The following CHD9 variants were observed in gnomAD, a reference collection of about 807,000 sequenced individuals.
CHD9 encodes the protein chromodomain helicase DNA binding protein 9.
Under a neutral mutation model 316.1 loss-of-function variants are expected in CHD9, and 77 were observed. The ratio of observed to expected loss-of-function variants is 0.24; its 90% CI spans 0.20 to 0.29. The LOEUF is 0.29. CHD9 is among the 10% of genes least tolerant of loss of function. CHD9 has a pLI of 1.00. For synonymous variants in CHD9, 1,129 were observed against 1,158.3 expected (o/e 0.97, Z 0.51); for missense variants, 2,763 against 3,438.1 (o/e 0.80, Z 4.91).
At chr16:53,241,967 C>T (rs1016087529) in intron 12 of CHD9, among the ~76,000 whole-genome samples, 1 of 152,188 alleles carries the variant, frequency 6.6e-6, no homozygotes, top group Non-Finnish European at 1.5e-5. Flanking sequence ...TGCATCCCCT[C>T]CCCAACTCAC....
intron 1 of CHD9, among the ~76,000 whole-genome samples, chr16:53,122,960 A>G (rs201778230): frequency 6.8e-6 from 1 of 147,824 alleles, no homozygotes; most frequent in Non-Finnish European, 1.5e-5. Flanking sequence ...CTCGTGATCC[A>G]CCCACCTCGG....
At position 53,250,078 on chromosome 16, in the gene CHD9, C is replaced by T. The variant is rs1317699887; in HGVS notation, c.3861+12C>T. 1 of 1,566,816 alleles carries T rather than the reference C, an allele frequency of 6.4e-7. No homozygotes were observed. The highest frequency in any genetic ancestry group is 8.6e-7 in the Non-Finnish European group (1 of 1,156,726). ...AGAATGATCTTCAGGTAAATAATTT[C>T]CTTGGCTAACAAAAAATGCATTTTT... On this transcript the variant is annotated intron_variant, in intron 17 of 38. Coordinates refer to ENST00000447540, the MANE Select transcript of CHD9 (RefSeq NM_001308319.2).
At chr16:53,124,911 G>A (rs2038905139) in intron 1 of CHD9, among the ~76,000 whole-genome samples, 1 of 152,204 alleles carries the variant, frequency 6.6e-6, no homozygotes, top group Admixed American at 6.5e-5. Flanking sequence ...TGGGGACACA[G>A]TCAAACCATA....
At chr16:53,190,200 G>T (rs1005533782) in intron 2 of CHD9, among the ~76,000 whole-genome samples, 1 of 152,122 alleles carries the variant, frequency 6.6e-6, no homozygotes, top group Non-Finnish European at 1.5e-5. Flanking sequence ...TTTCTTTCCA[G>T]ATGGTAGAGG....
chr16:53,246,276 G>T (rs1169790450), intron 15 of CHD9, among the ~76,000 whole-genome samples: 1 of 152,094 alleles, frequency 6.6e-6, no homozygotes, highest in Non-Finnish European at 1.5e-5. Context: ...TACAATGTTT[G>T]GGTTTTTCAC....
intron 16 of CHD9, 29 bp from the exon 17 acceptor site, chr16:53,249,842 A>G (rs1466058174): frequency 1.3e-6 from 2 of 1,518,152 alleles, no homozygotes; most frequent in Admixed American, 1.7e-5. Context: ...ATACTTATTT[A>G]TGTAAATTTA....
At chr16:53,271,916 A>G (rs1422008440) in intron 22 of CHD9, among the ~76,000 whole-genome samples, 1 of 152,166 alleles carries the variant, frequency 6.6e-6, no homozygotes, top group Non-Finnish European at 1.5e-5. Flanking sequence ...TCGAACCAAC[A>G]AGGGTGGAGA....
intron 2 of CHD9, among the ~76,000 whole-genome samples, chr16:53,183,053 T>TA (rs937569341): frequency 6.6e-6 from 1 of 152,228 alleles, no homozygotes; most frequent in Admixed American, 6.5e-5. Context: ...TAAAAGCTGT[T>TA]AAAGTCAAAA....
Position 53,321,552 on chromosome 16 carries a change from G to C in CHD9, c.7740G>C (p.Leu2580Phe). 6.5e-7 allele frequency: 1 copy of C among 1,549,808 alleles called. No individual in the cohort carries two copies. Residue 2580 changes from leucine (L) to phenylalanine (F), a missense_variant, in exon 38 of 39, where the codon TTG becomes TTC. Physicochemically the swap from Leu to Phe is conservative, Grantham distance 22 (BLOSUM62 0). Transcript: ENST00000447540. ...TTGGAGGTGCATTTGCTCCCCCTTT[G>C]AAAGATTTATGTAGATTCCTAAAAG... ...RKVGGAFAPP[L>F]KDLCRFLKEN...
intron 22 of CHD9, among the ~76,000 whole-genome samples, chr16:53,268,751 T>G (rs1300394387): frequency 1.3e-5 from 2 of 152,190 alleles, no homozygotes; most frequent in African/African-American, 4.8e-5. Flanking sequence ...AGTGTACATA[T>G]TAAAGTTTGA....
At chr16:53,076,055 A>G (rs539367453) in intron 1 of CHD9, among the ~76,000 whole-genome samples, 4 of 152,208 alleles carry the variant, frequency 2.6e-5, no homozygotes, top group East Asian at 3.9e-4. Context: ...CCGTTTATAT[A>G]TCTTCTTTGG....
chr16:53,217,960 T>TTTC lies in CHD9; in HGVS notation c.1785-4682_1785-4681insCTT, dbSNP rs2046919903. Among the ~76,000 whole-genome samples the TTTC allele has an allele frequency of 1.3e-4, 18 of 133,966 alleles. 1 individual carries two copies. In the South Asian group the frequency reaches 2.8e-3, roughly 21 times the overall value. The allele number at this position is 133,966 out of a possible 152,430, so 87.9% of individuals were successfully genotyped here. ...TCTTTCTTTCTTTCTTTCTTTCTTT[T>TTTC]TTTTTTTAATTCAGAATTACTGGGG... is the stretch of plus-strand genomic sequence containing the variant. On this transcript the variant is annotated intron_variant, in intron 3 of 38. Transcript: ENST00000447540.
At chr16:53,062,391 C>T (rs371891600) in intron 1 of CHD9, among the ~76,000 whole-genome samples, 14 of 152,098 alleles carry the variant, frequency 9.2e-5, no homozygotes, top group Admixed American at 5.9e-4. Context: ...GTATATAAAT[C>T]GTGTGTCCAT....
intron 19 of CHD9, among the ~76,000 whole-genome samples, chr16:53,256,086 A>T (rs972690307): frequency 2.0e-5 from 3 of 152,218 alleles, no homozygotes; most frequent in African/African-American, 7.2e-5. Flanking sequence ...AAATGTAAGT[A>T]ATGTAAGAGG....
chr16:53,193,562 GTTTA>G (rs972594176), intron 2 of CHD9, among the ~76,000 whole-genome samples: 2 of 152,114 alleles, frequency 1.3e-5, no homozygotes, highest in Admixed American at 1.3e-4. Flanking sequence ...CTTTTCTAGT[GTTTA>G]TTCGCAATCC....
intron 1 of CHD9, among the ~76,000 whole-genome samples, chr16:53,145,623 T>C (rs2152719804): frequency 6.6e-6 from 1 of 152,002 alleles, no homozygotes; most frequent in African/African-American, 2.4e-5. Context: ...GGAGAATTGC[T>C]TGAACCCAGG....
intron 2 of CHD9, chr16:53,208,679 T>C (rs2046080880): frequency 3.0e-6 from 3 of 992,322 alleles, no homozygotes; most frequent in Non-Finnish European, 3.6e-6. Flanking sequence ...GATGGTTTTT[T>C]CCTTTGGTAT....
intron 10 of CHD9, among the ~76,000 whole-genome samples, chr16:53,234,170 G>T (rs1482969779): frequency 6.6e-6 from 1 of 152,064 alleles, no homozygotes; most frequent in African/African-American, 2.4e-5. Flanking sequence ...ATTCATGATT[G>T]TTGCCACAAT....
chr16:53,063,830 C>A (rs868050928), intron 1 of CHD9, among the ~76,000 whole-genome samples: 1 of 135,460 alleles, frequency 7.4e-6, no homozygotes, highest in African/African-American at 2.8e-5. Context: ...CATGCCTGGC[C>A]TTTTTTTTTT....
Sources: allele counts gnomAD v4.1 joint callset (sites outside exome capture counted in the v4.1 genomes callset), GRCh38; gene constraint gnomAD v4.1.1; transcripts MANE v1.5; gene names NCBI Gene and HGNC (gene_info 2026-07-23, HGNC 2026-07-21).